The following CDKL1 variants were observed in gnomAD, a reference collection of about 807,000 sequenced individuals.
The protein encoded by CDKL1 is cyclin dependent kinase like 1.
A neutral mutation model predicts 42.0 loss-of-function variants in CDKL1; 41 were observed. The ratio of observed to expected loss-of-function variants is 0.98; its 90% confidence interval spans 0.76 to 1.27. The LOEUF (loss-of-function observed/expected upper bound fraction) is 1.27. Among genes scored for constraint, CDKL1 ranks in the 50% most tolerant of loss-of-function variants. CDKL1 has a pLI of 0.00. For synonymous variants in CDKL1, 153 were observed against 158.6 expected (o/e 0.96, Z 0.26); for missense variants, 394 against 428.4 (o/e 0.92, Z 0.71).
chr14:50,374,217 T>C (rs1483933974), intron 2 of CDKL1, among the ~76,000 whole-genome samples: 1 of 152,200 alleles, frequency 6.6e-6, no homozygotes, highest in Non-Finnish European at 1.5e-5. Flanking sequence ...TCTGGAAAGG[T>C]AAAGCTACAG....
chr14:50,330,339 C>T (rs967503984), intron 9 of CDKL1, 158 bp from the exon 10 acceptor site: 16 of 845,832 alleles, frequency 1.9e-5, no homozygotes, highest in Admixed American at 7.7e-5. Flanking sequence ...GTTTCAATTT[C>T]GTCTTGGCTT....
chr14:50,361,706 G>A (rs2034252868), intron 2 of CDKL1, among the ~76,000 whole-genome samples: 2 of 152,228 alleles, frequency 1.3e-5, no homozygotes, highest in Non-Finnish European at 2.9e-5. Context: ...TGGGGGTGAA[G>A]TTTCAACATG....
chr14:50,372,915 C>T (rs2034628633), intron 2 of CDKL1, among the ~76,000 whole-genome samples: 1 of 151,208 alleles, frequency 6.6e-6, no homozygotes, highest in South Asian at 2.1e-4. Flanking sequence ...TTTGCCAGTA[C>T]CATTGTGTTC....
At position 50,382,561 on chromosome 14, in the gene CDKL1, C is replaced by A. The variant is rs557989789; in HGVS notation, c.168+13140G>T. On this transcript the variant is annotated intron_variant, in intron 2 of 9. Coordinates refer to ENST00000395834, the MANE Select transcript of CDKL1 (RefSeq NM_004196.7). Reference sequence around the variant, plus strand: ...AAATTACTCCTTCCTTCCTTCCTTCCCTCCCTCCCTCCCTTCCTCCCTCTC... The same window carrying A: ...AAATTACTCCTTCCTTCCTTCCTTCACTCCCTCCCTCCCTTCCTCCCTCTC... Among the ~76,000 whole-genome samples, 31 of 150,374 alleles carry A rather than the reference C, an allele frequency of 2.1e-4. No homozygotes were observed. The East Asian group carries it at 6.1e-3, about 30-fold the overall frequency.
chr14:50,387,198 C>T (rs1479071691), intron 2 of CDKL1, among the ~76,000 whole-genome samples: 33 of 118,858 alleles, frequency 2.8e-4, no homozygotes, highest in African/African-American at 1.1e-3. Flanking sequence ...CAGACTGAGA[C>T]CCTGTCTTAA....
intron 2 of CDKL1, among the ~76,000 whole-genome samples, chr14:50,367,218 G>A (rs2034458966): frequency 6.6e-6 from 1 of 152,246 alleles, no homozygotes; most frequent in African/African-American, 2.4e-5. Flanking sequence ...GACAGATGCT[G>A]CTGAAAGGTC....
At chr14:50,357,851 A>AC (rs2034102112) in intron 3 of CDKL1, among the ~76,000 whole-genome samples, 2 of 152,162 alleles carry the variant, frequency 1.3e-5, no homozygotes, top group African/African-American at 4.8e-5. Flanking sequence ...CTTCCAGCCC[A>AC]TGCCACCCAC....
rs372402756 is a variant in CDKL1, at chr14:50,336,117, G to A, written c.739-1496C>T. ...TGTCTCAGCAACAATGTCTGGATGAGGCCAACTGGTTGCCTGTGATACGCT... is the reference window on the plus strand; with the variant it reads ...TGTCTCAGCAACAATGTCTGGATGAAGCCAACTGGTTGCCTGTGATACGCT... On this transcript the variant is annotated intron_variant, in intron 7 of 9. Coordinates refer to ENST00000395834, the MANE Select transcript of CDKL1 (RefSeq NM_004196.7). 604 of 1,365,948 alleles carry A rather than the reference G, an allele frequency of 4.4e-4. 4 individuals carry two copies. The African/African-American group carries it at 8.3e-3, about 19-fold the overall frequency. 84.6% of individuals were successfully genotyped at this position (1,365,948 alleles called of 1,614,324 possible). A position where few individuals can be genotyped will look rare whatever the true frequency, so the allele number is the denominator to read the frequency against.
chr14:50,341,180 G>A lies in CDKL1; in HGVS notation c.507C>T (p.Ser169=). 1 of 1,614,138 alleles carries A rather than the reference G, an allele frequency of 6.2e-7. No individual in the cohort carries two copies. Among genetic ancestry groups the A allele is most frequent in the Non-Finnish European group, 8.5e-7 (1 of 1,180,010 alleles). Residue 169 remains serine (S), a synonymous_variant, in exon 6 of 10, where the codon TCC becomes TCT. Transcript: ENST00000395834. ...GCGTGTCCCCCACCAGCAGCTCAGG[G>A]GAGCGGTACCACCTGGTAGCCACGT... ...TDYVATRWYR[S]PELLVGDTQY...
chr14:50,359,643 T>C (rs1057101776), intron 2 of CDKL1, among the ~76,000 whole-genome samples: 2 of 152,070 alleles, frequency 1.3e-5, no homozygotes, highest in East Asian at 3.8e-4. Context: ...AATAGATAAA[T>C]TCAATAGAAT....
At chr14:50,385,277 ACAT>A (rs1324416373) in intron 2 of CDKL1, among the ~76,000 whole-genome samples, 1 of 152,114 alleles carries the variant, frequency 6.6e-6, no homozygotes, top group Non-Finnish European at 1.5e-5. Flanking sequence ...GACAAAAATG[ACAT>A]CATACACTTA....
At chr14:50,386,983 C>T (rs1467697370) in intron 2 of CDKL1, among the ~76,000 whole-genome samples, 3 of 149,944 alleles carry the variant, frequency 2.0e-5, no homozygotes, top group African/African-American at 4.9e-5. Flanking sequence ...GCCAAGATCG[C>T]GCCACTGTAT....
intron 2 of CDKL1, among the ~76,000 whole-genome samples, chr14:50,360,932 C>T (rs2034227713): frequency 1.3e-5 from 2 of 152,080 alleles, no homozygotes; most frequent in South Asian, 4.1e-4. Flanking sequence ...TTTTGTTTAT[C>T]CATTCATCTT....
At chr14:50,395,423 GAAGT>G in intron 2 of CDKL1, among the ~76,000 whole-genome samples, 1 of 152,340 alleles carries the variant, frequency 6.6e-6, no homozygotes, top group East Asian at 1.9e-4. Flanking sequence ...AAAAGGCTAT[GAAGT>G]AAGATATAAC....
At chr14:50,350,998 T>C (rs893360511) in intron 3 of CDKL1, among the ~76,000 whole-genome samples, 6 of 152,160 alleles carry the variant, frequency 3.9e-5, no homozygotes, top group Non-Finnish European at 8.8e-5. Context: ...CCTCATGGCA[T>C]TCTTCCTGCC....
intron 3 of CDKL1, among the ~76,000 whole-genome samples, chr14:50,354,037 C>T (rs1023708413): frequency 2.6e-5 from 4 of 151,682 alleles, no homozygotes; most frequent in Non-Finnish European, 5.9e-5. Flanking sequence ...TTACTGCCAC[C>T]TCCGCCTCCC....
At chr14:50,358,959 G>C in intron 3 of CDKL1, 69 bp downstream of exon 3, 1 of 1,519,708 alleles carries the variant, frequency 6.6e-7, no homozygotes, top group Non-Finnish European at 9.1e-7. Flanking sequence ...CTTAAAAAGA[G>C]TCATTGCCAC....
chr14:50,346,419 T>C (rs923138616), intron 3 of CDKL1, among the ~76,000 whole-genome samples: 23 of 151,904 alleles, frequency 1.5e-4, no homozygotes, highest in African/African-American at 5.6e-4. Flanking sequence ...AAAATGCAAC[T>C]AAGATGAGAC....
At chr14:50,384,742 A>G (rs1339550486) in intron 2 of CDKL1, among the ~76,000 whole-genome samples, 1 of 151,940 alleles carries the variant, frequency 6.6e-6, no homozygotes, top group Non-Finnish European at 1.5e-5. Flanking sequence ...TTGTAGAAAA[A>G]TAACTATTTT....
Sources: allele counts gnomAD v4.1 joint callset (sites outside exome capture counted in the v4.1 genomes callset), GRCh38; gene constraint gnomAD v4.1.1; transcripts MANE v1.5; gene names NCBI Gene and HGNC (gene_info 2026-07-23, HGNC 2026-07-21).